The following KLF12 variants were observed in gnomAD, a reference collection of about 807,000 sequenced individuals.
KLF12 encodes Krueppel-like factor 12.
Under a neutral mutation model 37.8 loss-of-function variants are expected in KLF12, and 9 were observed. That is an observed-to-expected ratio of 0.24 (90% CI 0.14 to 0.42). The LOEUF is 0.42. Ranked by LOEUF, KLF12 falls within the 10% of genes least tolerant of loss-of-function variation. The probability of loss-of-function intolerance (pLI) is 1.00; values close to 1 mark genes in which losing one functional copy is unlikely to be tolerated. For synonymous variants in KLF12, 208 were observed against 202.1 expected, an observed-to-expected ratio of 1.03 and a Z score of -0.25; for missense variants, 411 against 516.0, an observed-to-expected ratio of 0.80 and a Z score of 1.97.
At chr13:74,221,006 G>GTTTGT in the KLF12 span, among the ~76,000 whole-genome samples, 2 of 137,744 alleles carry the variant, frequency 1.5e-5, no homozygotes, top group African/African-American at 5.2e-5. Context: ...TTGCTTGTTT[G>GTTTGT]TTTTTTTTTT....
At chr13:74,234,735 A>T in the KLF12 span, among the ~76,000 whole-genome samples, 3 of 150,222 alleles carry the variant, frequency 2.0e-5, no homozygotes, top group African/African-American at 7.4e-5. Flanking sequence ...TGCCACTCTT[A>T]CCTCTTATTC....
chr13:73,939,882 C>A (rs1426753294), intron 3 of KLF12, among the ~76,000 whole-genome samples: 1 of 152,164 alleles, frequency 6.6e-6, no homozygotes, highest in Non-Finnish European at 1.5e-5. Flanking sequence ...CTCATAAATG[C>A]ATAAACAGAA....
At chr13:73,910,300 T>C (rs927860285) in intron 3 of KLF12, among the ~76,000 whole-genome samples, 1 of 152,186 alleles carries the variant, frequency 6.6e-6, no homozygotes, top group African/African-American at 2.4e-5. Context: ...AGGTGTAATA[T>C]TTGATAGAAC....
the KLF12 span, among the ~76,000 whole-genome samples, chr13:74,305,510 CT>C: frequency 1.3e-5 from 2 of 151,830 alleles, no homozygotes; most frequent in African/African-American, 2.4e-5. Flanking sequence ...CTTACTCTCT[CT>C]TTTTTTTAGG....
intron 3 of KLF12, among the ~76,000 whole-genome samples, chr13:73,928,199 C>T (rs1216108938): frequency 6.6e-6 from 1 of 152,170 alleles, no homozygotes; most frequent in East Asian, 1.9e-4. Context: ...GGGATCTTGT[C>T]CATCCACAGT....
intron 6 of KLF12, among the ~76,000 whole-genome samples, chr13:73,761,808 CCA>C (rs1452936761): frequency 1.3e-5 from 2 of 152,242 alleles, no homozygotes; most frequent in South Asian, 4.1e-4. Flanking sequence ...TACTTCCCTA[CCA>C]CAGTCACTGG....
upstream of KLF12, among the ~76,000 whole-genome samples, chr13:74,137,918 G>A (rs533839242): frequency 4.1e-4 from 63 of 152,242 alleles, no homozygotes; most frequent in Admixed American, 2.0e-3. Context: ...GCGCCACCAC[G>A]CCTGGCTAAT....
chr13:74,175,157 A>G, the KLF12 span, among the ~76,000 whole-genome samples: 3 of 152,222 alleles, frequency 2.0e-5, no homozygotes, highest in Non-Finnish European at 4.4e-5. Flanking sequence ...TTGCACATTC[A>G]GATCCCAATA....
At chr13:74,176,539 G>T in the KLF12 span, among the ~76,000 whole-genome samples, 2 of 152,112 alleles carry the variant, frequency 1.3e-5, no homozygotes, top group South Asian at 4.1e-4. Flanking sequence ...CCCAGGGATT[G>T]CTTTGGCACT....
In KLF12 at chr13:73,818,853, C is replaced by T. The variant is rs557179070; in HGVS notation, c.671-5566G>A. On this transcript the variant is annotated intron_variant, in intron 4 of 7. Transcript: ENST00000377669. ...ACCTCTTTTCTCCCTCTTTTAGCTA[C>T]GGACAGGCTCCCTGCTATCTGCAGG... is the stretch of plus-strand genomic sequence containing the variant. 1.1e-4 allele frequency among the ~76,000 whole-genome samples: 17 copies of T among 152,326 alleles called. No homozygotes were observed. The South Asian group carries it at 2.9e-3, about 26-fold the overall frequency.
At chr13:74,094,575 C>T (rs950623207) in intron 1 of KLF12, among the ~76,000 whole-genome samples, 1 of 151,562 alleles carries the variant, frequency 6.6e-6, no homozygotes, top group African/African-American at 2.4e-5. Flanking sequence ...CTTTCCACCC[C>T]ACAACCAGAA....
chr13:73,717,741 T>C (rs1875925263), intron 6 of KLF12, among the ~76,000 whole-genome samples: 1 of 152,206 alleles, frequency 6.6e-6, no homozygotes, highest in South Asian at 2.1e-4. Context: ...TGACTCACAG[T>C]TGCAGGGATC....
intron 4 of KLF12, among the ~76,000 whole-genome samples, chr13:73,831,930 C>T (rs1261278170): frequency 1.3e-5 from 2 of 152,278 alleles, no homozygotes; most frequent in African/African-American, 2.4e-5. Flanking sequence ...ATAAAAATAA[C>T]GATTGAGAAA....
intron 3 of KLF12, among the ~76,000 whole-genome samples, chr13:73,939,873 T>G (rs1318392975): frequency 1.3e-5 from 2 of 152,110 alleles, no homozygotes; most frequent in Non-Finnish European, 2.9e-5. Context: ...GCAGTAAGAC[T>G]CATAAATGCA....
chr13:73,960,280 T>C, intron 2 of KLF12: 1 of 228,118 alleles, frequency 4.4e-6, no homozygotes, highest in South Asian at 4.6e-5. Context: ...CCTATAACTT[T>C]AAAAATAATG....
chr13:74,176,668 C>T, the KLF12 span, among the ~76,000 whole-genome samples: 55 of 152,276 alleles, frequency 3.6e-4, no homozygotes, highest in African/African-American at 1.2e-3. Flanking sequence ...TGCTGAATCT[C>T]GATTTTCTCT....
At chr13:73,927,389 G>A (rs1036881124) in intron 3 of KLF12, among the ~76,000 whole-genome samples, 2 of 152,078 alleles carry the variant, frequency 1.3e-5, no homozygotes, top group Admixed American at 6.5e-5. Flanking sequence ...CATCAGCTGT[G>A]GGGCAGTACC....
At chr13:73,926,345 A>C (rs1211124617) in intron 3 of KLF12, among the ~76,000 whole-genome samples, 1 of 152,210 alleles carries the variant, frequency 6.6e-6, no homozygotes, top group Non-Finnish European at 1.5e-5. Context: ...CAAAAAGATG[A>C]AGATTTGCTG....
chr13:74,143,004 TTCCTTCCTTCCCTCCCTCCC>T, the KLF12 span, among the ~76,000 whole-genome samples: 1 of 151,514 alleles, frequency 6.6e-6, no homozygotes, highest in Non-Finnish European at 1.5e-5. Flanking sequence ...CCTTCTTTCC[TTCCTTCCTTCCCTCCCTCCC>T]TCCTTCCTTC....
Sources: gnomAD v4.1 joint callset for allele counts (sites outside exome capture counted in the v4.1 genomes callset) on GRCh38, gnomAD v4.1.1 for gene constraint, MANE v1.5 for transcripts, NCBI Gene and HGNC (gene_info 2026-07-23, HGNC 2026-07-21) for gene names.